The following GPAT4 variants were observed in gnomAD, a reference collection of about 807,000 sequenced individuals.
The protein encoded by GPAT4 is glycerol-3-phosphate acyltransferase 4.
In GPAT4, 17 loss-of-function variants were observed where a neutral mutation model predicts 58.0. The observed-to-expected ratio is 0.29, with a 90% CI of 0.20 to 0.44. The LOEUF is 0.44. GPAT4 is among the 20% of genes least tolerant of loss of function. GPAT4 has a pLI of 1.00. For synonymous variants in GPAT4, 204 were observed against 210.1 expected (o/e 0.97, Z 0.25); for missense variants, 377 against 574.5 (o/e 0.66, Z 3.51).
chr8:41,603,224 CAT>C (rs1286516219), intron 2 of GPAT4, among the ~76,000 whole-genome samples: 1 of 152,134 alleles, frequency 6.6e-6, no homozygotes, highest in African/African-American at 2.4e-5. Context: ...CCTGGGGAGG[CAT>C]TTTAAAAAAT....
intron 1 of GPAT4, among the ~76,000 whole-genome samples, chr8:41,586,206 G>C (rs532425010): frequency 6.6e-6 from 1 of 152,256 alleles, no homozygotes; most frequent in African/African-American, 2.4e-5. Context: ...CATTCACTTA[G>C]TATGATGTTT....
At chr8:41,612,571 C>G (rs1237070476) in intron 7 of GPAT4, among the ~76,000 whole-genome samples, 1 of 152,208 alleles carries the variant, frequency 6.6e-6, no homozygotes, top group Non-Finnish European at 1.5e-5. Context: ...GGCAGTTTTA[C>G]ACAGGGAATT....
At position 41,624,587 on chromosome 8, in the gene GPAT4, C is replaced by T. The variant is rs1286260624; in HGVS notation, c.*3586C>T. On this transcript the variant is annotated 3_prime_UTR_variant, in exon 13 of 13. Transcript: ENST00000396987. ...TGTCCCAGGTGGCCCGGTCCGTAGG[C>T]TGGAAGGGCAGCTGCAGGTGCACTG... The T allele has an allele frequency of 2.6e-5, 4 of 152,188 alleles. No homozygotes were observed. Among genetic ancestry groups the T allele is most frequent in the African/African-American group, 9.7e-5 (4 of 41,432 alleles). The allele number at this position is 152,188 out of a possible 1,614,324, so 9.4% of individuals were successfully genotyped here.
rs927913739 is a variant in GPAT4, at chr8:41,598,985, A to T, written c.-155A>T. The T allele has an allele frequency of 4.1e-6, 4 of 978,112 alleles. No individual in the cohort carries two copies. The highest frequency in any genetic ancestry group is 6.0e-6 in the Non-Finnish European group (4 of 669,534). 60.6% of individuals were successfully genotyped at this position (978,112 alleles called of 1,614,324 possible). A position where few individuals can be genotyped will look rare whatever the true frequency, so the allele number is the denominator to read the frequency against. On this transcript the variant is annotated 5_prime_UTR_variant, in exon 2 of 13. Transcript: ENST00000396987. ...CTGTCATTCTGTTCCCAGGCCTTCTATTCAGGCGGTTGAAGGGTGTGGACT... is the reference window on the plus strand; with the variant it reads ...CTGTCATTCTGTTCCCAGGCCTTCTTTTCAGGCGGTTGAAGGGTGTGGACT...
chr8:41,624,422 C>T lies in GPAT4; in HGVS notation c.*3421C>T, dbSNP rs1803851260. On this transcript the variant is annotated 3_prime_UTR_variant, in exon 13 of 13. Coordinates refer to ENST00000396987, the MANE Select transcript of GPAT4 (RefSeq NM_178819.4). ...GGTCTCTGAATCCTGCCATTTCCTT[C>T]CTGGAATTGGCCAGGAACTTGATTT... is the stretch of plus-strand genomic sequence containing the variant. 6.6e-6 allele frequency: 1 copy of T among 152,252 alleles called. No individual in the cohort carries two copies. The highest frequency in any genetic ancestry group is 2.4e-5 in the African/African-American group (1 of 41,442). The allele number at this position is 152,252 out of a possible 1,614,324, so 9.4% of individuals were successfully genotyped here.
chr8:41,606,178 G>A (rs886802900), intron 2 of GPAT4, among the ~76,000 whole-genome samples: 2 of 152,218 alleles, frequency 1.3e-5, no homozygotes, highest in African/African-American at 4.8e-5. Flanking sequence ...CTGAAGAAGG[G>A]TTGTGGGAAC....
intron 4 of GPAT4, 84 bp from the exon 5 acceptor site, chr8:41,610,652 T>C: frequency 6.3e-7 from 1 of 1,579,882 alleles, no homozygotes. Context: ...GTTTTTGTGA[T>C]GCCCCCTTTG....
At chr8:41,579,517 G>C (rs1184204370) in intron 1 of GPAT4, among the ~76,000 whole-genome samples, 1 of 152,166 alleles carries the variant, frequency 6.6e-6, no homozygotes, top group Non-Finnish European at 1.5e-5. Flanking sequence ...ACAGCAAAAG[G>C]TATCTTAACA....
chr8:41,590,274 A>T (rs574027636), intron 1 of GPAT4, among the ~76,000 whole-genome samples: 143 of 152,234 alleles, frequency 9.4e-4, no homozygotes, highest in African/African-American at 3.3e-3. Flanking sequence ...TTTAGTAGAG[A>T]TGGGGTTTCA....
intron 10 of GPAT4, among the ~76,000 whole-genome samples, chr8:41,616,168 G>A (rs375068413): frequency 5.3e-5 from 8 of 152,248 alleles, no homozygotes; most frequent in African/African-American, 2.4e-5. Flanking sequence ...CAGTGTGACC[G>A]TGATGCTGGA....
At chr8:41,603,363 C>T (rs1022327535) in intron 2 of GPAT4, among the ~76,000 whole-genome samples, 3 of 151,962 alleles carry the variant, frequency 2.0e-5, no homozygotes, top group African/African-American at 7.3e-5. Flanking sequence ...TCCATCTCTA[C>T]TAAAAATACA....
chr8:41,581,546 G>A (rs1802507348), intron 1 of GPAT4, among the ~76,000 whole-genome samples: 1 of 152,002 alleles, frequency 6.6e-6, no homozygotes. Flanking sequence ...CAGCCTCCCT[G>A]GCTCAAACGG....
chr8:41,604,211 A>C (rs779549055), intron 2 of GPAT4, among the ~76,000 whole-genome samples: 2 of 152,170 alleles, frequency 1.3e-5, no homozygotes, highest in African/African-American at 2.4e-5. Flanking sequence ...AAAACTGGAT[A>C]CCTAATAGTT....
intron 9 of GPAT4, 77 bp from the exon 10 acceptor site, chr8:41,614,880 ATTATAC>A (rs767484127): frequency 2.6e-5 from 30 of 1,146,380 alleles, no homozygotes; most frequent in Non-Finnish European, 3.7e-5. Context: ...AATTTTGACT[ATTATAC>A]TTAGTCTTTA....
At chr8:41,620,333 T>A (rs1803710952) in intron 12 of GPAT4, among the ~76,000 whole-genome samples, 1 of 152,108 alleles carries the variant, frequency 6.6e-6, no homozygotes, top group Admixed American at 6.5e-5. Context: ...ACGGGGGCAG[T>A]GAGGCTGGAA....
At chr8:41,613,634 AG>A (rs1317999376) in intron 8 of GPAT4, among the ~76,000 whole-genome samples, 2 of 152,210 alleles carry the variant, frequency 1.3e-5, no homozygotes, top group African/African-American at 4.8e-5. Flanking sequence ...CAGCAGACAG[AG>A]ACATCAAGAC....
chr8:41,603,287 G>A (rs991164054), intron 2 of GPAT4, among the ~76,000 whole-genome samples: 1 of 152,158 alleles, frequency 6.6e-6, no homozygotes, highest in Admixed American at 6.5e-5. Context: ...GGCACTTTGG[G>A]AGGCCGAGGC....
chr8:41,592,025 C>T (rs997298377), intron 1 of GPAT4, among the ~76,000 whole-genome samples: 11 of 152,196 alleles, frequency 7.2e-5, no homozygotes, highest in African/African-American at 2.7e-4. Context: ...AGTATCCCTA[C>T]GAGCCATCTT....
Position 41,620,885 on chromosome 8 carries a change from C to CT in GPAT4, c.1263-7dup. On this transcript the variant is annotated splice_polypyrimidine_tract_variant and splice_region_variant and intron_variant, in intron 12 of 12. Transcript: ENST00000396987. ...GGCTGTTACTACATCCAGCCTTTGT[C>CT]TCTCCAGGGATGGGGGCCTGAAGAG... 5 of 1,550,436 alleles carry CT rather than the reference C, an allele frequency of 3.2e-6. No individual in the cohort carries two copies. Among genetic ancestry groups the CT allele is most frequent in the Non-Finnish European group, 4.4e-6 (5 of 1,146,980 alleles).
Sources: allele counts gnomAD v4.1 joint callset (sites outside exome capture counted in the v4.1 genomes callset), GRCh38; gene constraint gnomAD v4.1.1; transcripts MANE v1.5; gene names NCBI Gene and HGNC (gene_info 2026-07-23, HGNC 2026-07-21).